ATP10A: variants seen among roughly 807,000 people sequenced by gnomAD.
The protein encoded by ATP10A is ATPase phospholipid transporting 10A (putative), also known as phospholipid-transporting ATPase VA.
In ATP10A, 111 loss-of-function variants were observed where a neutral mutation model predicts 147.8. The observed-to-expected ratio is 0.75, with a 90% CI of 0.64 to 0.88. The LOEUF (loss-of-function observed/expected upper bound fraction) is 0.88, where lower values mean the gene tolerates loss of function less well. Among genes scored for constraint, ATP10A ranks in the 40% least tolerant of loss-of-function variants. ATP10A has a pLI of 0.00. For synonymous variants in ATP10A, 875 were observed against 841.6 expected, an observed-to-expected ratio of 1.04 and a Z score of -0.69; for missense variants, 1,927 against 1,959.0, an observed-to-expected ratio of 0.98 and a Z score of 0.31.
At chr15:25,765,687 A>T (rs1456928162) in intron 2 of ATP10A, among the ~76,000 whole-genome samples, 1 of 152,150 alleles carries the variant, frequency 6.6e-6, no homozygotes, top group Non-Finnish European at 1.5e-5. Context: ...CAAACTCTCC[A>T]GCCTCACCTT....
At chr15:25,691,888 A>T in intron 14 of ATP10A, 97 bp from the exon 15 acceptor site, 1 of 1,429,956 alleles carries the variant, frequency 7.0e-7, no homozygotes, top group Non-Finnish European at 9.9e-7. Flanking sequence ...CGCTGAACTC[A>T]GTCCTGTGAA....
chr15:25,680,764 CG>C, intron 19 of ATP10A, 45 bp downstream of exon 19: 1 of 1,540,912 alleles, frequency 6.5e-7, no homozygotes, highest in Non-Finnish European at 9.0e-7. Context: ...GTGGGGTCCA[CG>C]GCATCAGTGC....
chr15:25,809,920 AGGT>A (rs1444480163), intron 1 of ATP10A, among the ~76,000 whole-genome samples: 1 of 151,900 alleles, frequency 6.6e-6, no homozygotes, highest in Non-Finnish European at 1.5e-5. Context: ...TGGTAGTCAC[AGGT>A]TCCAAGTCGC....
intron 10 of ATP10A, among the ~76,000 whole-genome samples, chr15:25,713,179 G>T (rs1212789713): frequency 6.6e-6 from 1 of 152,204 alleles, no homozygotes; most frequent in Non-Finnish European, 1.5e-5. Flanking sequence ...AGAGGGAGAG[G>T]TGGGTGGCCA....
chr15:25,818,043 C>A (rs770734561), intron 1 of ATP10A, among the ~76,000 whole-genome samples: 2 of 151,958 alleles, frequency 1.3e-5, no homozygotes, highest in African/African-American at 4.8e-5. Flanking sequence ...TATACAATCC[C>A]CCCACTGCTA....
intron 2 of ATP10A, among the ~76,000 whole-genome samples, chr15:25,780,248 C>G (rs887867328): frequency 1.3e-5 from 2 of 152,260 alleles, no homozygotes; most frequent in African/African-American, 4.8e-5. Flanking sequence ...AACCAGAGGC[C>G]GGCTTCCCCA....
At chr15:25,839,832 C>G (rs1892737967) in intron 1 of ATP10A, among the ~76,000 whole-genome samples, 1 of 152,164 alleles carries the variant, frequency 6.6e-6, no homozygotes, top group Non-Finnish European at 1.5e-5. Context: ...CACCATGCCC[C>G]AAAACCAGAG....
intron 17 of ATP10A, among the ~76,000 whole-genome samples, chr15:25,682,932 C>T (rs979370093): frequency 6.6e-6 from 1 of 152,106 alleles, no homozygotes; most frequent in African/African-American, 2.4e-5. Context: ...TCAGTGGCTT[C>T]CTTGTGGGTT....
chr15:25,710,521 A>G (rs1225998658), intron 10 of ATP10A: 4 of 152,172 alleles, frequency 2.6e-5, no homozygotes, highest in Admixed American at 2.6e-4. Flanking sequence ...AGACCCACAG[A>G]GAGGCCCTCA....
intron 1 of ATP10A, among the ~76,000 whole-genome samples, chr15:25,800,748 G>A (rs536802734): frequency 6.6e-6 from 1 of 152,326 alleles, no homozygotes; most frequent in South Asian, 2.1e-4. Context: ...GGGGGCCCCT[G>A]AGGCTTCCCA....
chr15:25,722,673 T>A (rs1301958984), intron 6 of ATP10A, among the ~76,000 whole-genome samples: 1 of 152,210 alleles, frequency 6.6e-6, no homozygotes, highest in Non-Finnish European at 1.5e-5. Flanking sequence ...TTGCATTTAT[T>A]TAGAAAACTA....
At chr15:25,735,999 C>G (rs1596787729) in intron 3 of ATP10A, 57 bp downstream of exon 3, 17 of 1,383,782 alleles carry the variant, frequency 1.2e-5, no homozygotes, top group Non-Finnish European at 1.8e-5. Context: ...TGTGTAAACA[C>G]CTGCCTATGT....
At chr15:25,784,887 A>C (rs1373987018) in intron 1 of ATP10A, among the ~76,000 whole-genome samples, 1 of 150,744 alleles carries the variant, frequency 6.6e-6, no homozygotes, top group East Asian at 2.0e-4. Flanking sequence ...GCGCCACTGC[A>C]CTCCAGCCTG....
chr15:25,702,159 TG>T (rs2140346117), intron 12 of ATP10A, 59 bp from the exon 13 acceptor site: 2 of 1,527,502 alleles, frequency 1.3e-6, no homozygotes, highest in South Asian at 1.2e-5. Context: ...CCAATCCTTC[TG>T]GGGTGCAAAT....
chr15:25,808,883 G>C (rs1891310118), intron 1 of ATP10A, among the ~76,000 whole-genome samples: 2 of 152,146 alleles, frequency 1.3e-5, no homozygotes, highest in Admixed American at 6.6e-5. Flanking sequence ...TTAGAGGGTG[G>C]GGAAGGTGGA....
At chr15:25,730,583 C>T (rs1428008952) in intron 3 of ATP10A, among the ~76,000 whole-genome samples, 1 of 152,130 alleles carries the variant, frequency 6.6e-6, no homozygotes. Context: ...GCAGAAACAC[C>T]TTAGCAAAGA....
At chr15:25,847,078 C>G (rs760863757) in intron 1 of ATP10A, among the ~76,000 whole-genome samples, 7 of 152,214 alleles carry the variant, frequency 4.6e-5, no homozygotes, top group African/African-American at 9.6e-5. Context: ...TGTCAGCTAT[C>G]CTTGTTAAAT....
At chr15:25,708,531 G>A in intron 10 of ATP10A, 1 of 474,502 alleles carries the variant, frequency 2.1e-6, no homozygotes, top group Non-Finnish European at 3.8e-6. Flanking sequence ...ACGTTGCCCA[G>A]GCTGGTCACG....
At chr15:25,845,322 T>TTGTGTGTG (rs746244130) in intron 1 of ATP10A, among the ~76,000 whole-genome samples, 1,632 of 141,702 alleles carry the variant, frequency 0.012, 31 homozygotes, top group African/African-American at 0.038. Flanking sequence ...GTTTGTGTGT[T>TTGTGTGTG]TGTGTGTGTG....
Sources: allele counts gnomAD v4.1 joint callset (sites outside exome capture counted in the v4.1 genomes callset), GRCh38; gene constraint gnomAD v4.1.1; transcripts MANE v1.5; gene names NCBI Gene and HGNC (gene_info 2026-07-23, HGNC 2026-07-21).